The following HCRTR2 variants were observed in gnomAD, a reference collection of about 807,000 sequenced individuals.
HCRTR2 encodes orexin receptor type 2.
HCRTR2 carries 22 observed loss-of-function variants against 49.0 expected under a neutral mutation model. That is an observed-to-expected ratio of 0.45 (90% CI 0.32 to 0.64). The LOEUF is 0.64. HCRTR2 is among the 30% of genes least tolerant of loss of function. The pLI, the probability that HCRTR2 is intolerant of heterozygous loss-of-function variation, is 0.04. For missense variants in HCRTR2, 491 were observed against 559.4 expected (o/e 0.88, Z 1.23); for synonymous variants, 236 against 205.3 (o/e 1.15, Z -1.28).
At chr6:55,241,412 C>A (rs1766330078) in intron 1 of HCRTR2, among the ~76,000 whole-genome samples, 1 of 152,116 alleles carries the variant, frequency 6.6e-6, no homozygotes, top group Non-Finnish European at 1.5e-5. Context: ...TTCACTGACA[C>A]TTTGTGGCAA....
chr6:55,214,812 C>A (rs957268863), intron 1 of HCRTR2, among the ~76,000 whole-genome samples: 1 of 151,608 alleles, frequency 6.6e-6, no homozygotes. Context: ...TTGAATATTA[C>A]ATTAAAGGAG....
At chr6:55,201,779 T>A (rs886451619) in intron 1 of HCRTR2, among the ~76,000 whole-genome samples, 1 of 152,164 alleles carries the variant, frequency 6.6e-6, no homozygotes, top group Admixed American at 6.5e-5. Flanking sequence ...TATTTTATAC[T>A]TCAAGAAGAC....
intron 1 of HCRTR2, among the ~76,000 whole-genome samples, chr6:55,213,998 T>A (rs1388077325): frequency 1.0e-4 from 15 of 147,616 alleles, no homozygotes; most frequent in Non-Finnish European, 1.6e-4. Context: ...AAAAAATGAG[T>A]TTTTACCACA....
At chr6:55,283,434 T>A (rs1172345282), downstream of HCRTR2, among the ~76,000 whole-genome samples, 1 of 152,134 alleles carries the variant, frequency 6.6e-6, no homozygotes, top group Admixed American at 6.6e-5. Flanking sequence ...ACTTTTTTTT[T>A]TTCTTCAATT....
intron 4 of HCRTR2, among the ~76,000 whole-genome samples, chr6:55,268,091 G>A (rs1319484135): frequency 6.6e-6 from 1 of 152,118 alleles, no homozygotes; most frequent in African/African-American, 2.4e-5. Context: ...GAGCAAATTT[G>A]TTTTATACTA....
intron 1 of HCRTR2, among the ~76,000 whole-genome samples, chr6:55,240,561 A>C (rs1470114027): frequency 1.3e-5 from 2 of 151,992 alleles, no homozygotes; most frequent in African/African-American, 4.8e-5. Context: ...TAGGTGGAGA[A>C]TGGGAGATTG....
intron 1 of HCRTR2, among the ~76,000 whole-genome samples, chr6:55,178,988 A>T (rs1295983189): frequency 1.3e-5 from 2 of 152,230 alleles, no homozygotes; most frequent in African/African-American, 4.8e-5. Flanking sequence ...CATTGTTAAA[A>T]TACATTGTGA....
At chr6:55,156,602 C>T (rs1291820747) in intron 1 of HCRTR2, among the ~76,000 whole-genome samples, 1 of 151,862 alleles carries the variant, frequency 6.6e-6, no homozygotes, top group Admixed American at 6.6e-5. Flanking sequence ...AGCACACACA[C>T]ACACACACCA....
chr6:55,196,040 TTAAAA>T (rs1219040764), intron 1 of HCRTR2, among the ~76,000 whole-genome samples: 1 of 152,322 alleles, frequency 6.6e-6, no homozygotes, highest in South Asian at 2.1e-4. Flanking sequence ...TAAATTATTT[TTAAAA>T]TAAAATAAAA....
intron 1 of HCRTR2, among the ~76,000 whole-genome samples, chr6:55,152,407 AT>A (rs1358737345): frequency 6.6e-6 from 1 of 151,882 alleles, no homozygotes; most frequent in Non-Finnish European, 1.5e-5. Flanking sequence ...TCTTCTGTCC[AT>A]TTTTTAATTG....
In HCRTR2 at chr6:55,266,353, T is replaced by C. The variant is rs184233233; in HGVS notation, c.762+2531T>C. ...ATAAATAGCACATGCTCAGCACACA[T>C]CAGTTGCTTTTTTCATAAGAACAAA... On this transcript the variant is annotated intron_variant, in intron 4 of 6. Coordinates refer to ENST00000370862, the MANE Select transcript of HCRTR2 (RefSeq NM_001384272.1). Among the ~76,000 whole-genome samples, 4 of 152,260 alleles carry C rather than the reference T, an allele frequency of 2.6e-5. No homozygotes were observed. The East Asian group carries it at 7.7e-4, about 29-fold the overall frequency.
upstream of HCRTR2, among the ~76,000 whole-genome samples, chr6:55,172,941 C>T (rs1025616596): frequency 3.9e-5 from 6 of 152,102 alleles, no homozygotes; most frequent in Non-Finnish European, 7.4e-5. Flanking sequence ...ACTTTTTGCA[C>T]TGGCAAGACT....
chr6:55,216,289 A>G lies in HCRTR2; in HGVS notation c.224-32350A>G, dbSNP rs573097609. 2.0e-5 allele frequency among the ~76,000 whole-genome samples: 3 copies of G among 152,194 alleles called. No individual in the cohort carries two copies. The East Asian group carries it at 5.8e-4, about 29-fold the overall frequency. On this transcript the variant is annotated intron_variant, in intron 1 of 6. Coordinates refer to ENST00000370862, the MANE Select transcript of HCRTR2 (RefSeq NM_001384272.1). Reference sequence around the variant, plus strand: ...AGCCTTTCACCCATGACCTCCCATAATTTATGTCCTTATCATATGCAAATA... The same window carrying G: ...AGCCTTTCACCCATGACCTCCCATAGTTTATGTCCTTATCATATGCAAATA...
intron 1 of HCRTR2, among the ~76,000 whole-genome samples, chr6:55,195,684 A>T (rs1239146854): frequency 1.3e-5 from 2 of 152,168 alleles, no homozygotes; most frequent in Non-Finnish European, 2.9e-5. Context: ...TAAAAACAGT[A>T]TTCATGGCCG....
At chr6:55,258,819 G>A (rs977239190) in intron 3 of HCRTR2, among the ~76,000 whole-genome samples, 1 of 152,096 alleles carries the variant, frequency 6.6e-6, no homozygotes, top group African/African-American at 2.4e-5. Context: ...TTGGGAGGCC[G>A]AGATGGGCGG....
intron 1 of HCRTR2, among the ~76,000 whole-genome samples, chr6:55,165,037 A>G (rs1764857122): frequency 6.6e-6 from 1 of 152,210 alleles, no homozygotes; most frequent in Admixed American, 6.5e-5. Flanking sequence ...TATACAAAAG[A>G]ATGCATCTTA....
chr6:55,280,608 A>C (rs1010032267), intron 6 of HCRTR2, 164 bp downstream of exon 6: 7 of 341,510 alleles, frequency 2.0e-5, no homozygotes, highest in Non-Finnish European at 2.5e-5. Flanking sequence ...AGTATTTGTT[A>C]CTGAACTCAT....
intron 1 of HCRTR2, among the ~76,000 whole-genome samples, chr6:55,221,661 A>C (rs1489554303): frequency 3.9e-5 from 6 of 152,164 alleles, no homozygotes; most frequent in African/African-American, 4.8e-5. Context: ...AAAATACAAA[A>C]AATTAGCCGG....
chr6:55,239,490 C>G (rs1562018258), intron 1 of HCRTR2, among the ~76,000 whole-genome samples: 1 of 152,182 alleles, frequency 6.6e-6, no homozygotes, highest in Non-Finnish European at 1.5e-5. Flanking sequence ...TATGCATTTT[C>G]TCCCTGCACA....
Sources: gnomAD v4.1 joint callset for allele counts (sites outside exome capture counted in the v4.1 genomes callset) on GRCh38, gnomAD v4.1.1 for gene constraint, MANE v1.5 for transcripts, NCBI Gene and HGNC (gene_info 2026-07-23, HGNC 2026-07-21) for gene names.